Variants in CFAP20DC observed in about 807,000 individuals in gnomAD.
The protein encoded by CFAP20DC is CFAP20 domain containing.
Under a neutral mutation model 101.7 loss-of-function variants are expected in CFAP20DC, and 84 were observed. That is an observed-to-expected ratio of 0.83 (90% CI 0.69 to 0.99). CFAP20DC has a LOEUF of 0.99. Ranked by LOEUF, CFAP20DC falls within the 50% of genes least tolerant of loss-of-function variation. The pLI, the probability that CFAP20DC is intolerant of heterozygous loss-of-function variation, is 0.00. For missense variants in CFAP20DC, 1,007 were observed against 970.3 expected (o/e 1.04, Z -0.50); for synonymous variants, 359 against 351.2 (o/e 1.02, Z -0.25).
At chr3:58,816,518 G>A (rs1191580630) in intron 14 of CFAP20DC, among the ~76,000 whole-genome samples, 1 of 152,194 alleles carries the variant, frequency 6.6e-6, no homozygotes, top group East Asian at 1.9e-4. Flanking sequence ...CCGAGTCAAA[G>A]AAAGGGGTGA....
intron 4 of CFAP20DC, among the ~76,000 whole-genome samples, chr3:58,991,835 A>T (rs2092948590): frequency 6.6e-6 from 1 of 152,204 alleles, no homozygotes; most frequent in Non-Finnish European, 1.5e-5. Context: ...ACCTACAGGT[A>T]CTGGTCTGTG....
chr3:59,023,095 A>G (rs1040260300), intron 4 of CFAP20DC, among the ~76,000 whole-genome samples: 4 of 152,128 alleles, frequency 2.6e-5, no homozygotes, highest in African/African-American at 7.2e-5. Flanking sequence ...CCAGGAACTA[A>G]GAGTTGAGAA....
In CFAP20DC at chr3:58,728,674, T is replaced by C. The variant is rs1481791949; in HGVS notation, c.198-11046A>G. On this transcript the variant is annotated intron_variant, in intron 3 of 3. Transcript: ENST00000486145. This position sits in a 1 kb window ranked among gnomAD's most constrained non-coding sequence, Gnocchi z 4.7. ...TTTAGGCTGATTGTGGAGGAAATCA[T>C]ATGCCAGAGCTTTGGTAAATGCATG... is the stretch of plus-strand genomic sequence containing the variant. 3.3e-5 allele frequency among the ~76,000 whole-genome samples: 5 copies of C among 152,212 alleles called. No homozygotes were observed. Among genetic ancestry groups the C allele is most frequent in the Non-Finnish European group, 1.5e-5 (1 of 68,038 alleles).
chr3:58,845,457 AACCAGG>A (rs2077545748), intron 13 of CFAP20DC, among the ~76,000 whole-genome samples: 1 of 151,026 alleles, frequency 6.6e-6, no homozygotes, highest in Non-Finnish European at 1.5e-5. Flanking sequence ...CCCAAGACTA[AACCAGG>A]AAGAAGTTGA....
intron 12 of CFAP20DC, among the ~76,000 whole-genome samples, chr3:58,857,349 GT>G (rs2078920061): frequency 1.3e-5 from 2 of 152,136 alleles, no homozygotes; most frequent in African/African-American, 4.8e-5. Context: ...CCTTCTAGCA[GT>G]TTACTCAGGT....
At chr3:58,825,538 AAC>A (rs4020376) in intron 14 of CFAP20DC, among the ~76,000 whole-genome samples, 4 of 149,700 alleles carry the variant, frequency 2.7e-5, no homozygotes, top group Admixed American at 6.7e-5. Context: ...AAAAAAAGAA[AAC>A]ACACACACAC....
chr3:58,987,909 A>G (rs1205086437), intron 4 of CFAP20DC, among the ~76,000 whole-genome samples: 1 of 152,070 alleles, frequency 6.6e-6, no homozygotes, highest in African/African-American at 2.4e-5. Flanking sequence ...AAGGAACCCA[A>G]TACAGATTGT....
chr3:58,862,552 A>G, intron 12 of CFAP20DC: 1 of 985,412 alleles, frequency 1.0e-6, no homozygotes, highest in Non-Finnish European at 1.2e-6. Flanking sequence ...AACTCATTAA[A>G]AGTTGAAAAA....
intron 4 of CFAP20DC, among the ~76,000 whole-genome samples, chr3:59,000,179 C>T (rs2093268909): frequency 6.6e-6 from 1 of 152,160 alleles, no homozygotes; most frequent in African/African-American, 2.4e-5. Context: ...TTTACCATGG[C>T]ATATGTATAT....
intron 11 of CFAP20DC, among the ~76,000 whole-genome samples, chr3:58,866,119 T>C (rs564036399): frequency 1.3e-5 from 2 of 152,348 alleles, no homozygotes; most frequent in Non-Finnish European, 2.9e-5. Context: ...ATAAATAAGA[T>C]TGACAAACCA....
intron 15 of CFAP20DC, among the ~76,000 whole-genome samples, chr3:58,783,941 T>TG (rs2072079463): frequency 6.6e-6 from 1 of 152,140 alleles, no homozygotes; most frequent in Non-Finnish European, 1.5e-5. Flanking sequence ...GGGGTATGAA[T>TG]GATCCCATTA....
At position 58,799,108 on chromosome 3, in the gene CFAP20DC, G is replaced by T. The variant is rs552360526; in HGVS notation, c.2237+7287C>A. ...TGTATGTGTATGCATATAAATAATG[G>T]TTTTTTTTTTCTATTTGCTTACCCA... On this transcript the variant is annotated intron_variant, in intron 15 of 16. Transcript: ENST00000482387. The surrounding 1 kb of genome is among the most constrained non-coding windows in gnomAD (Gnocchi z 4.9). Among the ~76,000 whole-genome samples, 27 of 149,106 alleles carry T rather than the reference G, an allele frequency of 1.8e-4. 2 individuals carry two copies. The South Asian group carries it at 4.1e-3, about 22-fold the overall frequency.
chr3:58,921,503 G>A (rs1437565427), intron 5 of CFAP20DC, among the ~76,000 whole-genome samples: 1 of 151,894 alleles, frequency 6.6e-6, no homozygotes, highest in Non-Finnish European at 1.5e-5. Context: ...ACATATAGAT[G>A]ACTTAGAAGT....
chr3:58,786,075 A>G (rs2072308261), intron 15 of CFAP20DC, among the ~76,000 whole-genome samples: 1 of 152,124 alleles, frequency 6.6e-6, no homozygotes. Flanking sequence ...CACTGCTTTG[A>G]GTTACTTTTC....
At chr3:58,752,281 A>C (rs981427803) in intron 16 of CFAP20DC, among the ~76,000 whole-genome samples, 4 of 152,146 alleles carry the variant, frequency 2.6e-5, no homozygotes, top group Admixed American at 2.6e-4. Flanking sequence ...CCACCCAAGC[A>C]TATAAGAAAA....
intron 15 of CFAP20DC, among the ~76,000 whole-genome samples, chr3:58,763,607 A>G (rs1384490901): frequency 6.6e-6 from 1 of 152,036 alleles, no homozygotes; most frequent in African/African-American, 2.4e-5. Context: ...AGAGGAGGAG[A>G]GGCACTCTGA....
chr3:58,755,702 T>C (rs772192999), intron 15 of CFAP20DC, among the ~76,000 whole-genome samples: 14 of 152,200 alleles, frequency 9.2e-5, no homozygotes, highest in Non-Finnish European at 1.6e-4. Context: ...TTTAGATTTA[T>C]AGAAAAGTTG....
At chr3:58,813,223 A>C (rs2074814745) in intron 14 of CFAP20DC, among the ~76,000 whole-genome samples, 1 of 151,910 alleles carries the variant, frequency 6.6e-6, no homozygotes, top group African/African-American at 2.4e-5. Flanking sequence ...GAAACCTTTC[A>C]GTTACATTTC....
At chr3:58,998,333 G>T (rs1197936313) in intron 4 of CFAP20DC, among the ~76,000 whole-genome samples, 1 of 152,140 alleles carries the variant, frequency 6.6e-6, no homozygotes, top group African/African-American at 2.4e-5. Flanking sequence ...TGACTGTGGA[G>T]AATTTAGCTA....
Sources: allele counts gnomAD v4.1 joint callset (sites outside exome capture counted in the v4.1 genomes callset), GRCh38; gene constraint gnomAD v4.1.1; non-coding constraint Gnocchi (gnomAD v3.1); transcripts MANE v1.5; gene names NCBI Gene and HGNC (gene_info 2026-07-23, HGNC 2026-07-21).